Variants in EPB41L1 observed in about 807,000 individuals in gnomAD.
The protein encoded by EPB41L1 is band 4.1-like protein 1.
Under a neutral mutation model 97.8 loss-of-function variants are expected in EPB41L1, and 29 were observed. The ratio of observed to expected loss-of-function variants is 0.30; its 90% confidence interval spans 0.22 to 0.40. The LOEUF (loss-of-function observed/expected upper bound fraction) is 0.40, where lower values mean the gene tolerates loss of function less well. EPB41L1 is among the 10% of genes least tolerant of loss of function. The pLI is 1.00. For synonymous variants in EPB41L1, 383 were observed against 459.2 expected (o/e 0.83, Z 2.12); for missense variants, 812 against 1,162.3 (o/e 0.70, Z 4.38).
Position 36,219,783 on chromosome 20 carries a change from C to T in EPB41L1, c.2378C>T (p.Thr793Ile). The T allele has an allele frequency of 6.2e-7, 1 of 1,614,214 alleles. No homozygotes were observed. The highest frequency in any genetic ancestry group is 1.1e-5 in the South Asian group (1 of 91,084). The part of the protein sequence containing the change: ...LSPIIGKDVL[T>I]STYGATAETL... The stretch of plus-strand genomic sequence containing the variant: ...CAGATCATCGGGAAAGATGTCCTCA[C>T]CAGCACCTACGGCGCCACTGCGGAA... The change falls in exon 19 of 22, where the codon ACC (threonine) becomes ATC (isoleucine). Residue 793 changes from threonine (T) to isoleucine (I), a missense_variant. Transcript: ENST00000338074.
chr20:36,229,435 C>A lies in EPB41L1; in HGVS notation c.*95C>A. ...TCTGGATTCTCCGACGCAACACTGA[C>A]GTCCCAGCTGCGACGTACTGTCACT... is the stretch of plus-strand genomic sequence containing the variant. On this transcript the variant is annotated 3_prime_UTR_variant, in exon 22 of 22. Coordinates refer to ENST00000338074, the MANE Select transcript of EPB41L1 (RefSeq NM_012156.2). 1 of 1,248,668 alleles carries A rather than the reference C, an allele frequency of 8.0e-7. No individual in the cohort carries two copies. The highest frequency in any genetic ancestry group is 1.2e-6 in the Non-Finnish European group (1 of 847,930). 77.3% of individuals were successfully genotyped at this position (1,248,668 alleles called of 1,614,324 possible).
intron 17 of EPB41L1, among the ~76,000 whole-genome samples, chr20:36,218,099 GAA>G (rs1225602209): frequency 1.2e-4 from 18 of 152,210 alleles, no homozygotes; most frequent in Admixed American, 1.1e-3. Context: ...TGTCTGAAGG[GAA>G]AGATTCCCAA....
chr20:36,226,941 C>G (rs1389577471), intron 21 of EPB41L1, among the ~76,000 whole-genome samples: 1 of 152,114 alleles, frequency 6.6e-6, no homozygotes, highest in East Asian at 1.9e-4. Context: ...CAAACCAAAC[C>G]AAACCAAAAC....
chr20:36,110,532 G>A (rs2081183441), intron 1 of EPB41L1, among the ~76,000 whole-genome samples: 1 of 151,282 alleles, frequency 6.6e-6, no homozygotes, highest in African/African-American at 2.4e-5. Context: ...CTACACACAT[G>A]TGCACACACA....
At chr20:36,108,879 C>T (rs964797918) in intron 1 of EPB41L1, among the ~76,000 whole-genome samples, 2 of 151,720 alleles carry the variant, frequency 1.3e-5, no homozygotes, top group African/African-American at 4.8e-5. Flanking sequence ...CACCCCAGCC[C>T]GGGCCTTGCC....
intron 1 of EPB41L1, among the ~76,000 whole-genome samples, chr20:36,094,469 A>T (rs1314573506): frequency 1.3e-5 from 2 of 152,126 alleles, no homozygotes; most frequent in East Asian, 3.9e-4. Context: ...GTCTTATAGG[A>T]GGAAGAAATT....
At chr20:36,193,625 G>A (rs2062058021) in intron 11 of EPB41L1, among the ~76,000 whole-genome samples, 1 of 152,170 alleles carries the variant, frequency 6.6e-6, no homozygotes, top group African/African-American at 2.4e-5. Context: ...GTTATTGCAG[G>A]CATCTCCCTG....
chr20:36,221,730 T>C lies in EPB41L1; in HGVS notation c.2440-134T>C, dbSNP rs1286884930. ...AAGTCCAAAATCAGAAAAGAAAAAA[T>C]CTGAGGAAGTCAGGAGAGAAGGTAA... On this transcript the variant is annotated intron_variant, in intron 19 of 21. Coordinates refer to ENST00000338074, the MANE Select transcript of EPB41L1 (RefSeq NM_012156.2). 6.3e-5 allele frequency: 49 copies of C among 783,212 alleles called. No homozygotes were observed. The Admixed American group carries it at 9.1e-4, about 14-fold the overall frequency. 48.5% of individuals were successfully genotyped at this position (783,212 alleles called of 1,614,324 possible).
chr20:36,215,669 A>G (rs2063399685), intron 17 of EPB41L1, among the ~76,000 whole-genome samples: 1 of 152,180 alleles, frequency 6.6e-6, no homozygotes. Flanking sequence ...AAATCCGTTC[A>G]TATGGTGAGC....
chr20:36,120,870 A>G (rs1316776738), intron 2 of EPB41L1, among the ~76,000 whole-genome samples: 1 of 152,006 alleles, frequency 6.6e-6, no homozygotes, highest in Non-Finnish European at 1.5e-5. Context: ...CGCCAAGGTA[A>G]TGGTTTTAGG....
Position 36,190,126 on chromosome 20 carries a change from T to C in EPB41L1, c.1027-151T>C, listed in dbSNP as rs908985630. ...AGGAATTCAAGGTTACAGTGAGCTA[T>C]GATTGCGCCACTGTACTCCACCCTG... On this transcript the variant is annotated intron_variant, in intron 9 of 21. Coordinates refer to ENST00000338074, the MANE Select transcript of EPB41L1 (RefSeq NM_012156.2). This position sits in a 1 kb window ranked among gnomAD's most constrained non-coding sequence, Gnocchi z 5.8. 1.5e-6 allele frequency: 1 copy of C among 661,676 alleles called. No homozygotes were observed. The highest frequency in any genetic ancestry group is 1.8e-5 in the African/African-American group (1 of 55,704). The allele number at this position is 661,676 out of a possible 1,614,324, so 41.0% of individuals were successfully genotyped here. A position where few individuals can be genotyped will look rare whatever the true frequency, so the allele number is the denominator to read the frequency against.
At position 36,173,818 on chromosome 20, in the gene EPB41L1, C is replaced by T; in HGVS notation, c.41C>T (p.Ala14Val). 10 of 1,614,188 alleles carry T rather than the reference C, an allele frequency of 6.2e-6. No individual in the cohort carries two copies. Among genetic ancestry groups the T allele is most frequent in the East Asian group, 2.2e-5 (1 of 44,866 alleles). Residue 14 changes from alanine to valine, a missense_variant, in exon 2 of 22, where the codon GCT (alanine) becomes GTT (valine). Coordinates refer to ENST00000338074, the MANE Select transcript of EPB41L1 (RefSeq NM_012156.2). ...GGCCCCGACTCTGAGGTGAAGAAAG[C>T]TCAGGAGGAGGCCCCGCAGCAGCCC... ...ETGPDSEVKKAQEEAPQQPEA... is the reference protein window; with the variant it reads ...ETGPDSEVKKVQEEAPQQPEA...
chr20:36,202,313 T>C (rs1202313588), intron 14 of EPB41L1, among the ~76,000 whole-genome samples: 2 of 152,234 alleles, frequency 1.3e-5, no homozygotes, highest in African/African-American at 2.4e-5. Flanking sequence ...AAATCTGCCT[T>C]TTCAAATTAG....
At chr20:36,100,514 C>T (rs553172416) in intron 1 of EPB41L1, among the ~76,000 whole-genome samples, 34 of 152,284 alleles carry the variant, frequency 2.2e-4, no homozygotes, top group African/African-American at 7.5e-4. Context: ...GTGTGCCAGG[C>T]CCTGTGCTAA....
rs567113295 is a variant in EPB41L1, at chr20:36,217,691, A to G, written c.2269-1185A>G. Among the ~76,000 whole-genome samples, 17 of 152,286 alleles carry G rather than the reference A, an allele frequency of 1.1e-4. No individual in the cohort carries two copies. In the South Asian group the frequency reaches 3.5e-3, roughly 32 times the overall value. ...ATTGAGCCCGGAAGCTGCCCTTGGG[A>G]AGCCTGCTGCTGGGCCACATTCTGG... On this transcript the variant is annotated intron_variant, in intron 17 of 21. Transcript: ENST00000338074.
At chr20:36,202,059 A>G (rs1471744469) in intron 14 of EPB41L1, among the ~76,000 whole-genome samples, 4 of 152,142 alleles carry the variant, frequency 2.6e-5, no homozygotes, top group Non-Finnish European at 1.5e-5. Context: ...CTATCCGCAC[A>G]CTCTCTTGAG....
At position 36,093,897 on chromosome 20, in the gene EPB41L1, G is replaced by A. The variant is rs1454394448; in HGVS notation, c.-65+2285G>A. 6.6e-6 allele frequency among the ~76,000 whole-genome samples: 1 copy of A among 152,054 alleles called. No individual in the cohort carries two copies. Among genetic ancestry groups the A allele is most frequent in the East Asian group, 1.9e-4 (1 of 5,164 alleles). On this transcript the variant is annotated intron_variant, in intron 1 of 19. Transcript: ENST00000202028. This position sits in a 1 kb window ranked among gnomAD's most constrained non-coding sequence, Gnocchi z 5.4. Reference sequence around the variant, plus strand: ...CCTGTGCCAGTCTCACCCGTGCAGGGCTCTGGGTGGGTGGGAAGGTAGGTG... The same window carrying A: ...CCTGTGCCAGTCTCACCCGTGCAGGACTCTGGGTGGGTGGGAAGGTAGGTG...
chr20:36,210,020 G>A (rs2063043445), intron 15 of EPB41L1, 122 bp downstream of exon 15: 1 of 1,213,700 alleles, frequency 8.2e-7, no homozygotes, highest in Non-Finnish European at 1.2e-6. Context: ...CGTGTTGCAT[G>A]ACTGCCCCTC....
intron 2 of EPB41L1, chr20:36,125,657 G>C: frequency 1.1e-5 from 15 of 1,409,280 alleles, no homozygotes; most frequent in Non-Finnish European, 1.4e-5. Flanking sequence ...AAGGAGGCAA[G>C]TGGAGTGGCA....
Sources: allele counts gnomAD v4.1 joint callset (sites outside exome capture counted in the v4.1 genomes callset), GRCh38; gene constraint gnomAD v4.1.1; non-coding constraint Gnocchi (gnomAD v3.1); transcripts MANE v1.5; gene names NCBI Gene and HGNC (gene_info 2026-07-23, HGNC 2026-07-21).